NUDT3: variants seen among roughly 807,000 people sequenced by gnomAD.
The protein encoded by NUDT3 is diphosphoinositol polyphosphate phosphohydrolase 1.
A neutral mutation model predicts 23.6 loss-of-function variants in NUDT3; 9 were observed. That is an observed-to-expected ratio of 0.38 (90% CI 0.23 to 0.66). NUDT3 has a LOEUF of 0.66. Ranked by LOEUF, NUDT3 falls within the 30% of genes least tolerant of loss-of-function variation. The pLI is 0.52. For synonymous variants in NUDT3, 86 were observed against 82.6 expected (o/e 1.04, Z -0.22); for missense variants, 172 against 218.5 (o/e 0.79, Z 1.34).
rs1449915050 is a variant in NUDT3, at chr6:34,283,786, G to C, written c.*4967C>G. On this transcript the variant is annotated 3_prime_UTR_variant, in exon 5 of 5. Coordinates refer to ENST00000607016, the MANE Select transcript of NUDT3 (RefSeq NM_006703.4). Reference sequence around the variant, plus strand: ...TGACCTCAAGCTAACCTGATGCACAGACAACAGTATCTTTTAGGGACTGCA... The same window carrying C: ...TGACCTCAAGCTAACCTGATGCACACACAACAGTATCTTTTAGGGACTGCA... 6.6e-6 allele frequency: 1 copy of C among 152,212 alleles called. No homozygotes were observed. Among genetic ancestry groups the C allele is most frequent in the Non-Finnish European group, 1.5e-5 (1 of 68,044 alleles). The allele number at this position is 152,212 out of a possible 1,614,324, so 9.4% of individuals were successfully genotyped here. A position where few individuals can be genotyped will look rare whatever the true frequency, so the allele number is the denominator to read the frequency against.
At chr6:34,329,635 G>A (rs1349114271) in intron 2 of NUDT3, among the ~76,000 whole-genome samples, 3 of 152,098 alleles carry the variant, frequency 2.0e-5, no homozygotes, top group African/African-American at 4.8e-5. Context: ...GAATTAGGAT[G>A]AGAAGATACT....
intron 1 of NUDT3, among the ~76,000 whole-genome samples, chr6:34,368,739 C>T (rs1194091698): frequency 6.6e-6 from 1 of 152,134 alleles, no homozygotes; most frequent in Non-Finnish European, 1.5e-5. Flanking sequence ...CCTGGGTTCA[C>T]ACCATTCTCC....
intron 2 of NUDT3, among the ~76,000 whole-genome samples, chr6:34,333,409 T>C (rs929946663): frequency 6.6e-6 from 1 of 152,196 alleles, no homozygotes; most frequent in Non-Finnish European, 1.5e-5. Context: ...CTTTTTCTAG[T>C]AACAAAAGAA....
rs71000051 is a variant in NUDT3 at position 34,351,198 on chromosome 6, TAAA to T, written c.100-9229_100-9227del. Among the ~76,000 whole-genome samples the T allele has an allele frequency of 6.7e-3, 120 of 17,870 alleles. 1 individual carries two copies. The highest frequency in any genetic ancestry group is 0.035 in the South Asian group (13 of 374). The allele number at this position is 17,870 out of a possible 152,430, so 11.7% of individuals were successfully genotyped here. On this transcript the variant is annotated intron_variant, in intron 1 of 4. Coordinates refer to ENST00000607016, the MANE Select transcript of NUDT3 (RefSeq NM_006703.4). ...GACCTCGTCTCTACACTCCCCTGCC[TAAA>T]AAAAAAAAAAAAAAAAAAAAAAAAA...
chr6:34,334,458 G>A (rs886392563), intron 2 of NUDT3, among the ~76,000 whole-genome samples: 4 of 151,624 alleles, frequency 2.6e-5, no homozygotes, highest in African/African-American at 9.7e-5. Context: ...TGACCAACAT[G>A]GTGAAACCCC....
At chr6:34,320,606 G>A (rs1049851359) in intron 2 of NUDT3, among the ~76,000 whole-genome samples, 1 of 152,042 alleles carries the variant, frequency 6.6e-6, no homozygotes, top group Non-Finnish European at 1.5e-5. Context: ...AGGCCAAAGT[G>A]GGTGGATTTC....
At chr6:34,383,720 A>G (rs1765060951) in intron 1 of NUDT3, among the ~76,000 whole-genome samples, 1 of 152,350 alleles carries the variant, frequency 6.6e-6, no homozygotes, top group Admixed American at 6.5e-5. Context: ...GAATTAAAGC[A>G]GAAACAAAGA....
rs370221353 is a variant in NUDT3, at chr6:34,357,245, A to C, written c.100-15273T>G. ...TTGGCCACGAGCTGATAACAGTTGA[A>C]GCTGACTGAGGAGTACATGGGGGTT... On this transcript the variant is annotated intron_variant, in intron 1 of 4. Coordinates refer to ENST00000607016, the MANE Select transcript of NUDT3 (RefSeq NM_006703.4). Among the ~76,000 whole-genome samples the C allele has an allele frequency of 3.3e-5, 5 of 152,250 alleles. No homozygotes were observed. The East Asian group carries it at 5.8e-4, about 18-fold the overall frequency.
At chr6:34,377,576 A>C (rs149198527) in intron 1 of NUDT3, among the ~76,000 whole-genome samples, 1 of 151,912 alleles carries the variant, frequency 6.6e-6, no homozygotes, top group South Asian at 2.1e-4. Flanking sequence ...GCTCATGCCT[A>C]TAATCCCAGC....
intron 2 of NUDT3, among the ~76,000 whole-genome samples, chr6:34,330,207 T>A (rs1396824792): frequency 1.3e-5 from 2 of 152,194 alleles, no homozygotes; most frequent in Non-Finnish European, 2.9e-5. Flanking sequence ...TAGTTCTAGA[T>A]CCTTGAAGAA....
Position 34,288,532 on chromosome 6 carries a change from T to TA in NUDT3, c.*220dup. 1 of 571,738 alleles carries TA rather than the reference T, an allele frequency of 1.7e-6. No individual in the cohort carries two copies. The highest frequency in any genetic ancestry group is 2.9e-6 in the Non-Finnish European group (1 of 345,392). The allele number at this position is 571,738 out of a possible 1,614,324, so 35.4% of individuals were successfully genotyped here. Reference sequence around the variant, plus strand: ...GGGACAGATCATGCACAAAAGTACTTACAAATTACACACCCAACCCCCACC... The same window carrying TA: ...GGGACAGATCATGCACAAAAGTACTTAACAAATTACACACCCAACCCCCACC... On this transcript the variant is annotated 3_prime_UTR_variant, in exon 5 of 5. Transcript: ENST00000607016.
intron 1 of NUDT3, among the ~76,000 whole-genome samples, chr6:34,356,806 C>T (rs1355468463): frequency 1.3e-5 from 2 of 151,920 alleles, no homozygotes; most frequent in African/African-American, 4.8e-5. Context: ...TTGACGGAGT[C>T]TCGCTCTGTT....
intron 2 of NUDT3, among the ~76,000 whole-genome samples, chr6:34,338,792 C>G (rs549192802): frequency 9.2e-5 from 14 of 152,194 alleles, no homozygotes; most frequent in Non-Finnish European, 1.8e-4. Flanking sequence ...TGGGTTAGCA[C>G]AGCCAGGCAG....
rs997011012 is a variant in NUDT3, at chr6:34,297,760, A to T, written c.211-2075T>A. ...ATATATATATATATATATATATATAATTTTTTTTTTTTTTTTAGTAGAGAC... is the reference window on the plus strand; with the variant it reads ...ATATATATATATATATATATATATATTTTTTTTTTTTTTTTTAGTAGAGAC... On this transcript the variant is annotated intron_variant, in intron 2 of 4. Coordinates refer to ENST00000607016, the MANE Select transcript of NUDT3 (RefSeq NM_006703.4). 8.4e-3 allele frequency among the ~76,000 whole-genome samples: 448 copies of T among 53,548 alleles called. 14 individuals are homozygous for T. The highest frequency in any genetic ancestry group is 0.023 in the African/African-American group (215 of 9,388). 35.1% of individuals were successfully genotyped at this position (53,548 alleles called of 152,430 possible). A position where few individuals can be genotyped will look rare whatever the true frequency, so the allele number is the denominator to read the frequency against.
rs1765044514 is a variant in NUDT3, at chr6:34,382,828, C to T, written c.99+9436G>A. ...CCTGGATGACAGAGCAAGACCCTGT[C>T]TCAAAAAAAAAAGGAAAGGCCGGGC... On this transcript the variant is annotated intron_variant, in intron 1 of 4. Transcript: ENST00000607016. Among the ~76,000 whole-genome samples, 3 of 150,568 alleles carry T rather than the reference C, an allele frequency of 2.0e-5. No individual in the cohort carries two copies. The South Asian group carries it at 6.3e-4, about 32-fold the overall frequency.
intron 2 of NUDT3, among the ~76,000 whole-genome samples, chr6:34,341,609 T>C (rs1398215759): frequency 6.6e-6 from 1 of 152,202 alleles, no homozygotes; most frequent in Non-Finnish European, 1.5e-5. Context: ...ACAGGCAGTG[T>C]TGGAAGAAAT....
At chr6:34,372,206 G>A (rs1362805742) in intron 1 of NUDT3, among the ~76,000 whole-genome samples, 2 of 152,090 alleles carry the variant, frequency 1.3e-5, no homozygotes, top group African/African-American at 4.8e-5. Flanking sequence ...ATAAACATAT[G>A]TGTGCATGTG....
chr6:34,289,588 G>C (rs952109850), intron 4 of NUDT3, among the ~76,000 whole-genome samples: 9 of 152,068 alleles, frequency 5.9e-5, no homozygotes, highest in Admixed American at 2.0e-4. Context: ...ATCAACACGA[G>C]CATCAGCTTC....
chr6:34,304,768 C>T (rs560759333), intron 2 of NUDT3, among the ~76,000 whole-genome samples: 1 of 151,594 alleles, frequency 6.6e-6, no homozygotes, highest in South Asian at 2.1e-4. Context: ...TGAAGCAATC[C>T]TCCCACCTCA....
Sources: allele counts gnomAD v4.1 joint callset (sites outside exome capture counted in the v4.1 genomes callset), GRCh38; gene constraint gnomAD v4.1.1; transcripts MANE v1.5; gene names NCBI Gene and HGNC (gene_info 2026-07-23, HGNC 2026-07-21).